The following TANC2 variants were observed in gnomAD, a reference collection of about 807,000 sequenced individuals.
TANC2 encodes tetratricopeptide repeat, ankyrin repeat and coiled-coil containing 2, also known as protein TANC2.
A neutral mutation model predicts 210.5 loss-of-function variants in TANC2; 26 were observed. The ratio of observed to expected loss-of-function variants is 0.12; its 90% confidence interval spans 0.09 to 0.17. The LOEUF (loss-of-function observed/expected upper bound fraction) is 0.17, where lower values mean the gene tolerates loss of function less well. Among genes scored for constraint, TANC2 ranks in the 10% least tolerant of loss-of-function variants. The probability of loss-of-function intolerance (pLI) is 1.00; values close to 1 mark genes in which losing one functional copy is unlikely to be tolerated. For synonymous variants in TANC2, 931 were observed against 967.1 expected, an observed-to-expected ratio of 0.96 and a Z score of 0.69; for missense variants, 2,129 against 2,608.9, an observed-to-expected ratio of 0.82 and a Z score of 4.01.
chr17:63,082,044 G>A (rs867630528), intron 3 of TANC2, among the ~76,000 whole-genome samples: 2 of 152,094 alleles, frequency 1.3e-5, no homozygotes, highest in South Asian at 2.1e-4. Context: ...GGTGGCGGGC[G>A]CCTGTAGTCC....
intron 9 of TANC2, among the ~76,000 whole-genome samples, chr17:63,281,843 G>T (rs747910851): frequency 4.6e-5 from 7 of 152,072 alleles, no homozygotes; most frequent in Non-Finnish European, 8.8e-5. Context: ...GAATTTGGAG[G>T]CAGAAGTTGG....
intron 1 of TANC2, among the ~76,000 whole-genome samples, chr17:62,992,307 T>A (rs113491708): frequency 2.0e-5 from 3 of 152,276 alleles, no homozygotes; most frequent in Non-Finnish European, 2.9e-5. Context: ...ATAGACAAGA[T>A]TGAGTATAAG....
chr17:63,036,340 A>G (rs2034971314), intron 2 of TANC2, among the ~76,000 whole-genome samples: 1 of 152,078 alleles, frequency 6.6e-6, no homozygotes, highest in Non-Finnish European at 1.5e-5. Context: ...AGGGTTGTGT[A>G]ATTGTTCTAA....
intron 11 of TANC2, among the ~76,000 whole-genome samples, chr17:63,325,280 C>A (rs2045612795): frequency 6.6e-6 from 1 of 152,182 alleles, no homozygotes; most frequent in African/African-American, 2.4e-5. Context: ...CACCATTCCC[C>A]ACTCACTTAT....
At chr17:63,372,930 C>T (rs892756558) in intron 14 of TANC2, among the ~76,000 whole-genome samples, 2 of 129,154 alleles carry the variant, frequency 1.5e-5, no homozygotes, top group South Asian at 2.4e-4. Context: ...GGGTCTTGCT[C>T]GTCACCCAGG....
At chr17:63,298,836 G>T (rs1316855244) in intron 9 of TANC2, among the ~76,000 whole-genome samples, 4 of 152,018 alleles carry the variant, frequency 2.6e-5, no homozygotes, top group Admixed American at 2.6e-4. Flanking sequence ...ATGTGCCATG[G>T]TGGTTTGCTG....
intron 2 of TANC2, among the ~76,000 whole-genome samples, chr17:63,040,920 G>C (rs889580601): frequency 6.6e-6 from 1 of 152,098 alleles, no homozygotes; most frequent in Non-Finnish European, 1.5e-5. Context: ...TAATTTTTCT[G>C]TGCTTTTAAA....
At chr17:63,161,207 A>G (rs969621744) in intron 5 of TANC2, among the ~76,000 whole-genome samples, 6 of 152,082 alleles carry the variant, frequency 3.9e-5, no homozygotes, top group African/African-American at 1.4e-4. Flanking sequence ...CTAAAAATAC[A>G]AAAAAATAGC....
chr17:63,111,080 A>C (rs561777642), intron 4 of TANC2, among the ~76,000 whole-genome samples: 24 of 152,272 alleles, frequency 1.6e-4, no homozygotes, highest in Admixed American at 1.4e-3. Context: ...TGGGAGGCCA[A>C]GGTGGAGGAT....
At chr17:63,238,064 A>G (rs558417554) in exon 8 of TANC2, 3 of 1,537,128 alleles carry the variant, frequency 2.0e-6, no homozygotes, top group Non-Finnish European at 2.6e-6. Context: ...TGCCACGGCC[A>G]AATTCAGTAG....
chr17:63,232,010 T>C (rs915744545), intron 7 of TANC2, among the ~76,000 whole-genome samples: 1 of 152,240 alleles, frequency 6.6e-6, no homozygotes, highest in Admixed American at 6.5e-5. Flanking sequence ...CAAGTTAGTC[T>C]TCAGGCTCTG....
At chr17:63,283,640 A>T (rs533508100) in intron 9 of TANC2, among the ~76,000 whole-genome samples, 3 of 152,098 alleles carry the variant, frequency 2.0e-5, no homozygotes, top group East Asian at 1.9e-4. Flanking sequence ...CTCTGCAGTC[A>T]TGTAGACCTT....
At chr17:63,382,255 C>T (rs1414672792) in intron 15 of TANC2, among the ~76,000 whole-genome samples, 1 of 152,154 alleles carries the variant, frequency 6.6e-6, no homozygotes, top group African/African-American at 2.4e-5. Context: ...TTTACTGGAC[C>T]ATTTAGTTGA....
chr17:63,101,953 G>A (rs2037638559), intron 4 of TANC2, among the ~76,000 whole-genome samples: 1 of 152,098 alleles, frequency 6.6e-6, no homozygotes, highest in Non-Finnish European at 1.5e-5. Flanking sequence ...TTCAAGGAAT[G>A]GAAAGAAGGC....
chr17:63,267,676 C>A, intron 8 of TANC2, 72 bp from the exon 9 acceptor site: 1 of 1,514,630 alleles, frequency 6.6e-7, no homozygotes, highest in African/African-American at 1.4e-5. Flanking sequence ...TTCCAAAGTT[C>A]CGGAGATACA....
intron 4 of TANC2, among the ~76,000 whole-genome samples, chr17:63,147,204 G>A (rs192964797): frequency 7.0e-4 from 107 of 151,902 alleles, no homozygotes; most frequent in African/African-American, 2.5e-3. Context: ...TTACCCAAGC[G>A]TGGTGGCACA....
At chr17:63,001,266 A>G (rs904090052) in intron 1 of TANC2, among the ~76,000 whole-genome samples, 21 of 152,286 alleles carry the variant, frequency 1.4e-4, no homozygotes, top group Admixed American at 8.5e-4. Flanking sequence ...AACTATTCCT[A>G]CAATTTTCAT....
intron 5 of TANC2, among the ~76,000 whole-genome samples, chr17:63,165,545 T>G (rs1217695778): frequency 6.6e-6 from 1 of 152,218 alleles, no homozygotes; most frequent in Non-Finnish European, 1.5e-5. Flanking sequence ...CGGTCTGTAC[T>G]GCTACACTGC....
chr17:62,990,028 C>T (rs773323253), intron 1 of TANC2, among the ~76,000 whole-genome samples: 1 of 152,040 alleles, frequency 6.6e-6, no homozygotes, highest in Non-Finnish European at 1.5e-5. Context: ...CCGCCTGTCT[C>T]GGCCTCCCAA....
Sources: gnomAD v4.1 joint callset for allele counts (sites outside exome capture counted in the v4.1 genomes callset) on GRCh38, gnomAD v4.1.1 for gene constraint, MANE v1.5 for transcripts, NCBI Gene and HGNC (gene_info 2026-07-23, HGNC 2026-07-21) for gene names.